LRIG1: variants seen among roughly 807,000 people sequenced by gnomAD.
LRIG1 encodes leucine rich repeats and immunoglobulin like domains 1, also known as leucine-rich repeats and immunoglobulin-like domains protein 1.
Under a neutral mutation model 99.2 loss-of-function variants are expected in LRIG1, and 48 were observed. The ratio of observed to expected loss-of-function variants is 0.48; its 90% confidence interval spans 0.38 to 0.62. The LOEUF is 0.62. LRIG1 is among the 20% of genes least tolerant of loss of function. The pLI is 0.00. For synonymous variants in LRIG1, 772 were observed against 596.1 expected, an observed-to-expected ratio of 1.29 and a Z score of -4.30; for missense variants, 1,646 against 1,434.4, an observed-to-expected ratio of 1.15 and a Z score of -2.38.
At chr3:66,421,635 C>T (rs1702815950) in intron 3 of LRIG1, among the ~76,000 whole-genome samples, 4 of 152,146 alleles carry the variant, frequency 2.6e-5, no homozygotes, top group Admixed American at 1.3e-4. Context: ...TCCAGGTGCC[C>T]GGTGCAAGCT....
At chr3:66,384,559 T>C (rs995705701) in intron 13 of LRIG1, among the ~76,000 whole-genome samples, 7 of 151,952 alleles carry the variant, frequency 4.6e-5, no homozygotes, top group Non-Finnish European at 8.8e-5. Flanking sequence ...ATACGGGAGT[T>C]GCAGGGGGTG....
chr3:66,420,339 A>C (rs2106707330), intron 3 of LRIG1, among the ~76,000 whole-genome samples: 2 of 152,374 alleles, frequency 1.3e-5, no homozygotes, highest in Non-Finnish European at 2.9e-5. Context: ...ATGTGGAGAG[A>C]GTGAAACCCT....
At chr3:66,425,106 G>A (rs1369263593) in intron 3 of LRIG1, among the ~76,000 whole-genome samples, 1 of 152,228 alleles carries the variant, frequency 6.6e-6, no homozygotes, top group Non-Finnish European at 1.5e-5. Flanking sequence ...TCAGAAGTCT[G>A]CTGGAGCTTG....
At chr3:66,441,633 T>C (rs1703544319) in intron 3 of LRIG1, among the ~76,000 whole-genome samples, 1 of 152,212 alleles carries the variant, frequency 6.6e-6, no homozygotes. Context: ...GGGAGATGCA[T>C]GCTGCATTTG....
At chr3:66,451,408 G>A (rs769499817) in intron 3 of LRIG1, 151 bp downstream of exon 3, 18 of 614,000 alleles carry the variant, frequency 2.9e-5, no homozygotes, top group Non-Finnish European at 4.6e-5. Flanking sequence ...CAAGCAAAGC[G>A]TTTGTCATGA....
chr3:66,414,393 C>CA (rs1270122097), intron 5 of LRIG1, among the ~76,000 whole-genome samples: 71 of 145,256 alleles, frequency 4.9e-4, no homozygotes, highest in African/African-American at 1.2e-3. Flanking sequence ...GAGACTGTCG[C>CA]AAAAAAAAAT....
intron 1 of LRIG1, among the ~76,000 whole-genome samples, chr3:66,467,159 T>G (rs763769665): frequency 2.6e-5 from 4 of 152,200 alleles, no homozygotes; most frequent in Non-Finnish European, 5.9e-5. Flanking sequence ...GTTTGCTCGC[T>G]GAGCACGTTT....
At chr3:66,489,127 A>G (rs561195888) in intron 1 of LRIG1, among the ~76,000 whole-genome samples, 9 of 152,326 alleles carry the variant, frequency 5.9e-5, no homozygotes, top group Admixed American at 2.6e-4. Context: ...CTCCTCAATA[A>G]TATCTCAAGG....
At chr3:66,385,655 G>A (rs976405123) in intron 13 of LRIG1, among the ~76,000 whole-genome samples, 2 of 152,100 alleles carry the variant, frequency 1.3e-5, no homozygotes, top group Non-Finnish European at 2.9e-5. Context: ...GTTTCACTAT[G>A]TTGGCCACAC....
chr3:66,461,231 G>A (rs537790178), intron 2 of LRIG1, among the ~76,000 whole-genome samples: 1 of 152,250 alleles, frequency 6.6e-6, no homozygotes, highest in Admixed American at 6.5e-5. Flanking sequence ...CTTGAACCCG[G>A]GAGGCAGAGG....
At chr3:66,383,430 A>C in intron 14 of LRIG1, 29 bp from the exon 15 acceptor site, 1 of 1,514,104 alleles carries the variant, frequency 6.6e-7, no homozygotes, top group Non-Finnish European at 8.9e-7. Flanking sequence ...GATCTTAGTC[A>C]TTCTCAGGGC....
At chr3:66,409,773 A>G (rs1051275255) in intron 7 of LRIG1, 6 of 192,698 alleles carry the variant, frequency 3.1e-5, no homozygotes, top group African/African-American at 1.4e-4. Context: ...CACTCTCAAA[A>G]TGGCTCCTGT....
At chr3:66,454,628 G>C (rs1464934983) in intron 2 of LRIG1, among the ~76,000 whole-genome samples, 2 of 152,112 alleles carry the variant, frequency 1.3e-5, no homozygotes. Flanking sequence ...TCAGGATTAA[G>C]AAGTGCCTCA....
Position 66,385,975 on chromosome 3 carries a change from C to T in LRIG1, c.1789+6G>A, listed in dbSNP as rs184910907. Reference sequence around the variant, plus strand: ...TGGTACTATAACAAAGATGGTGTTTCCATACCATTCACGGTGAGCCTGGCC... The same window carrying T: ...TGGTACTATAACAAAGATGGTGTTTTCATACCATTCACGGTGAGCCTGGCC... On this transcript the variant is annotated splice_donor_region_variant and intron_variant, in intron 13 of 18. Coordinates refer to ENST00000273261, the MANE Select transcript of LRIG1 (RefSeq NM_015541.3). 7.2e-4 allele frequency: 1,153 copies of T among 1,611,242 alleles called. 2 individuals carry two copies. The highest frequency in any genetic ancestry group is 1.5e-3 in the South Asian group (134 of 90,732).
At chr3:66,450,501 C>T (rs1703871032) in intron 3 of LRIG1, among the ~76,000 whole-genome samples, 1 of 152,172 alleles carries the variant, frequency 6.6e-6, no homozygotes, top group Non-Finnish European at 1.5e-5. Context: ...CCACGCTCTC[C>T]TGCAATCCCA....
chr3:66,412,362 G>A (rs575354181), intron 6 of LRIG1, among the ~76,000 whole-genome samples: 135 of 152,328 alleles, frequency 8.9e-4, no homozygotes, highest in Middle Eastern at 3.4e-3. Flanking sequence ...CACGTTCACC[G>A]AAGAAGCAGG....
chr3:66,416,296 T>C (rs914918990), intron 4 of LRIG1, among the ~76,000 whole-genome samples: 4 of 152,136 alleles, frequency 2.6e-5, no homozygotes, highest in Admixed American at 2.0e-4. Context: ...TCACTCTTCT[T>C]CTTGCAGTAT....
At chr3:66,473,504 ATC>A (rs1281372050) in intron 1 of LRIG1, among the ~76,000 whole-genome samples, 2 of 152,216 alleles carry the variant, frequency 1.3e-5, no homozygotes, top group African/African-American at 4.8e-5. Context: ...TCATATAAAA[ATC>A]CATGCTTACT....
intron 11 of LRIG1, 98 bp from the exon 12 acceptor site, chr3:66,394,301 A>C (rs1406443951): frequency 2.8e-4 from 292 of 1,039,874 alleles, no homozygotes; most frequent in Non-Finnish European, 3.6e-4. Context: ...TCAGCTTCTC[A>C]AGTGAACATC....
Sources: allele counts gnomAD v4.1 joint callset (sites outside exome capture counted in the v4.1 genomes callset), GRCh38; gene constraint gnomAD v4.1.1; transcripts MANE v1.5; gene names NCBI Gene and HGNC (gene_info 2026-07-23, HGNC 2026-07-21).